The following WWOX variants were observed in gnomAD, a reference collection of about 807,000 sequenced individuals.
WWOX encodes WW domain-containing oxidoreductase.
Under a neutral mutation model 46.2 loss-of-function variants are expected in WWOX, and 69 were observed. The observed-to-expected ratio is 1.49, with a 90% CI of 1.23 to 1.82. The LOEUF (loss-of-function observed/expected upper bound fraction) is 1.82. WWOX is among the 40% of genes most tolerant of loss of function. WWOX has a pLI of 0.00. For synonymous variants in WWOX, 359 were observed against 202.6 expected (o/e 1.77, Z -6.56); for missense variants, 919 against 542.6 (o/e 1.69, Z -6.89).
chr16:79,141,379 T>C (rs531915343), intron 8 of WWOX, among the ~76,000 whole-genome samples: 15 of 152,322 alleles, frequency 9.8e-5, no homozygotes, highest in Admixed American at 7.2e-4. Context: ...GCATGTGTCA[T>C]CAGGCCCTCC....
chr16:78,263,625 A>T (rs12921633), intron 5 of WWOX, among the ~76,000 whole-genome samples: 1 of 133,206 alleles, frequency 7.5e-6, no homozygotes, highest in Admixed American at 7.1e-5. Flanking sequence ...AACAGAGAGA[A>T]AGAGAGAGAG....
intron 8 of WWOX, among the ~76,000 whole-genome samples, chr16:79,008,902 C>G (rs1787647485): frequency 6.6e-6 from 1 of 152,046 alleles, no homozygotes. Flanking sequence ...CGCACACACA[C>G]AAAGGCGAGC....
chr16:79,016,308 G>A (rs1181008216), intron 8 of WWOX: 2 of 152,230 alleles, frequency 1.3e-5, no homozygotes, highest in East Asian at 3.9e-4. Flanking sequence ...GATGAGATGC[G>A]GTGATGCTGT....
intron 8 of WWOX, among the ~76,000 whole-genome samples, chr16:78,838,002 A>C (rs2052035780): frequency 6.6e-6 from 1 of 152,070 alleles, no homozygotes; most frequent in Admixed American, 6.6e-5. Flanking sequence ...AGGTCTTTGC[A>C]CCTCCCAAGG....
At position 78,193,927 on chromosome 16, in the gene WWOX, G is replaced by C. The variant is rs139017050; in HGVS notation, c.516+29638G>C. ...GACTCTCGCACTGTCGCCCAGGCTG[G>C]AGTGCAGTGGCGTGATCTCGGCTCA... On this transcript the variant is annotated intron_variant, in intron 5 of 8. Transcript: ENST00000566780. 8.7e-3 allele frequency among the ~76,000 whole-genome samples: 1,315 copies of C among 150,446 alleles called. 20 individuals are homozygous for C. Among genetic ancestry groups the C allele is most frequent in the African/African-American group, 0.031 (1,255 of 40,960 alleles).
intron 8 of WWOX, among the ~76,000 whole-genome samples, chr16:78,884,564 A>T (rs1196882202): frequency 1.3e-5 from 2 of 152,168 alleles, no homozygotes; most frequent in Non-Finnish European, 2.9e-5. Context: ...TCTTACAGAG[A>T]TGATGTTGAG....
Position 79,053,375 on chromosome 16 carries a change from G to A in WWOX, c.1057-158233G>A, listed in dbSNP as rs183492297. 3.2e-4 allele frequency among the ~76,000 whole-genome samples: 48 copies of A among 152,184 alleles called. No individual in the cohort carries two copies. In the Middle Eastern group the frequency reaches 0.01, roughly 32 times the overall value. ...CGTGGCCCTGCTTCTTAGTGCGCAC[G>A]TAAAGAAACAATCCTGGAGTGAATT... On this transcript the variant is annotated intron_variant, in intron 8 of 8. Transcript: ENST00000566780.
At chr16:78,616,673 G>A (rs1476504199) in intron 8 of WWOX, among the ~76,000 whole-genome samples, 1 of 152,050 alleles carries the variant, frequency 6.6e-6, no homozygotes, top group African/African-American at 2.4e-5. Context: ...GAAGGGTGAG[G>A]CAGAATTGCT....
intron 8 of WWOX, among the ~76,000 whole-genome samples, chr16:78,830,287 T>G (rs1019255204): frequency 7.0e-6 from 1 of 143,522 alleles, no homozygotes; most frequent in African/African-American, 2.6e-5. Flanking sequence ...TGTGTATGTT[T>G]AAAATTTTCA....
chr16:78,616,178 A>T (rs2046019862), intron 8 of WWOX, among the ~76,000 whole-genome samples: 1 of 151,720 alleles, frequency 6.6e-6, no homozygotes, highest in Admixed American at 6.6e-5. Context: ...TGCCATGTGT[A>T]TGCATTCCCA....
At chr16:78,140,359 TCTG>T (rs1742196133) in intron 4 of WWOX, among the ~76,000 whole-genome samples, 1 of 152,186 alleles carries the variant, frequency 6.6e-6, no homozygotes, top group African/African-American at 2.4e-5. Context: ...TTTAGCCTTT[TCTG>T]CTGTGGTATT....
At chr16:78,150,537 C>G (rs767673902) in intron 4 of WWOX, among the ~76,000 whole-genome samples, 2 of 152,144 alleles carry the variant, frequency 1.3e-5, no homozygotes, top group Non-Finnish European at 2.9e-5. Context: ...CACCACCATG[C>G]CTGGCTAAGT....
At chr16:78,154,098 G>A (rs188781423) in intron 4 of WWOX, among the ~76,000 whole-genome samples, 1 of 152,182 alleles carries the variant, frequency 6.6e-6, no homozygotes, top group East Asian at 1.9e-4. Context: ...TCCCTGTCTG[G>A]GTAAACAACT....
At chr16:78,528,165 ATTTTT>A (rs56803717) in intron 8 of WWOX, among the ~76,000 whole-genome samples, 8,162 of 58,444 alleles carry the variant, frequency 0.14, 448 homozygotes, top group South Asian at 0.24. Flanking sequence ...CACCTGGCTA[ATTTTT>A]TTTTTTTTTT....
intron 8 of WWOX, among the ~76,000 whole-genome samples, chr16:78,859,715 G>C (rs762941081): frequency 6.6e-6 from 1 of 152,196 alleles, no homozygotes; most frequent in Non-Finnish European, 1.5e-5. Flanking sequence ...TTCTGGGTTA[G>C]AGGATATAAC....
At chr16:78,210,671 A>G (rs1209714101) in intron 5 of WWOX, among the ~76,000 whole-genome samples, 3 of 152,200 alleles carry the variant, frequency 2.0e-5, no homozygotes, top group Non-Finnish European at 4.4e-5. Flanking sequence ...AATGTAAGGC[A>G]TTATATAATA....
intron 8 of WWOX, among the ~76,000 whole-genome samples, chr16:78,941,462 C>CT (rs1348761573): frequency 0.11 from 16,411 of 144,554 alleles, 970 homozygotes; most frequent in Middle Eastern, 0.17. Flanking sequence ...GAACAAAGTC[C>CT]TTTTTTTTTT....
In WWOX at chr16:78,490,133, A is replaced by AAT. The variant is rs1555548516; in HGVS notation, c.1056+57381_1056+57382insAT. 3.4e-3 allele frequency among the ~76,000 whole-genome samples: 480 copies of AAT among 141,066 alleles called. 1 individual carries two copies. Among genetic ancestry groups the AAT allele is most frequent in the Admixed American group, 4.4e-3 (62 of 14,004 alleles). 92.5% of individuals were successfully genotyped at this position (141,066 alleles called of 152,430 possible). A position where few individuals can be genotyped will look rare whatever the true frequency, so the allele number is the denominator to read the frequency against. On this transcript the variant is annotated intron_variant, in intron 8 of 8. Coordinates refer to ENST00000566780, the MANE Select transcript of WWOX (RefSeq NM_016373.4). The stretch of plus-strand genomic sequence containing the variant: ...ACGATTTGTTCAGATTGGGGAAAAA[A>AAT]TTTTTTTTTTTTTTTTGGTTGTGGT...
At chr16:78,725,925 C>T (rs1043664334) in intron 8 of WWOX, among the ~76,000 whole-genome samples, 5 of 151,766 alleles carry the variant, frequency 3.3e-5, no homozygotes, top group Non-Finnish European at 5.9e-5. Context: ...TCTCTTTTTT[C>T]TCCTTTCCTT....
Sources: allele counts gnomAD v4.1 joint callset (sites outside exome capture counted in the v4.1 genomes callset), GRCh38; gene constraint gnomAD v4.1.1; transcripts MANE v1.5; gene names NCBI Gene and HGNC (gene_info 2026-07-23, HGNC 2026-07-21).